The following STAU1 variants were observed in gnomAD, a reference collection of about 807,000 sequenced individuals.
STAU1 encodes the protein staufen double-stranded RNA binding protein 1.
A neutral mutation model predicts 62.9 loss-of-function variants in STAU1; 13 were observed. The observed-to-expected ratio is 0.21, with a 90% CI of 0.13 to 0.33. STAU1 has a LOEUF of 0.33. STAU1 is among the 10% of genes least tolerant of loss of function. The pLI, the probability that STAU1 is intolerant of heterozygous loss-of-function variation, is 1.00. For synonymous variants in STAU1, 269 were observed against 265.1 expected (o/e 1.01, Z -0.14); for missense variants, 571 against 712.1 (o/e 0.80, Z 2.25).
the STAU1 span, among the ~76,000 whole-genome samples, chr20:49,201,140 G>A: frequency 1.1e-3 from 160 of 151,548 alleles, 1 homozygote; most frequent in Non-Finnish European, 1.6e-3. Flanking sequence ...CAAGGGCTGG[G>A]GAAGGGAAAG....
chr20:49,185,852 T>C (rs1473967002), intron 1 of STAU1, among the ~76,000 whole-genome samples: 3 of 152,114 alleles, frequency 2.0e-5, no homozygotes, highest in Non-Finnish European at 4.4e-5. Context: ...ATACTGCTTG[T>C]ATAGTTGTTT....
intron 2 of STAU1, among the ~76,000 whole-genome samples, chr20:49,172,316 T>A (rs938187792): frequency 6.6e-5 from 10 of 152,252 alleles, no homozygotes; most frequent in Non-Finnish European, 4.4e-5. Flanking sequence ...TTTTCTAGTT[T>A]TAAAACTTTA....
At chr20:49,181,876 AT>A (rs1462306885) in intron 1 of STAU1, among the ~76,000 whole-genome samples, 12 of 150,744 alleles carry the variant, frequency 8.0e-5, no homozygotes, top group African/African-American at 1.2e-4. Flanking sequence ...ATTTAAATAG[AT>A]TTTCTTAGCC....
intron 6 of STAU1, among the ~76,000 whole-genome samples, chr20:49,125,071 TAA>T (rs11473077): frequency 1.1e-3 from 89 of 83,828 alleles, no homozygotes; most frequent in African/African-American, 1.8e-3. Flanking sequence ...ACACATTAAG[TAA>T]AAAAAAAAAA....
intron 6 of STAU1, among the ~76,000 whole-genome samples, chr20:49,125,176 C>T (rs2092570376): frequency 1.3e-5 from 1 of 77,850 alleles, no homozygotes; most frequent in Admixed American, 1.8e-4. Context: ...TAAACAGACA[C>T]ACATTTATAA....
rs1176078720 is a variant in STAU1 at position 49,117,076 on chromosome 20, C to CT, written c.1632+49dup. On this transcript the variant is annotated intron_variant, in intron 12 of 13. Coordinates refer to ENST00000371856, the MANE Select transcript of STAU1 (RefSeq NM_017453.4). The surrounding 1 kb of genome is among the most constrained non-coding windows in gnomAD (Gnocchi z 4.6). ...TAGTAACAAGCTGAACCAAGGCAGG[C>CT]TCCACATAAACACACAACACCCCAA... is the stretch of plus-strand genomic sequence containing the variant. 3 of 1,605,784 alleles carry CT rather than the reference C, an allele frequency of 1.9e-6. No individual in the cohort carries two copies. The highest frequency in any genetic ancestry group is 1.3e-5 in the African/African-American group (1 of 74,732).
upstream of STAU1, among the ~76,000 whole-genome samples, chr20:49,188,926 C>A (rs1326682476): frequency 5.3e-5 from 8 of 152,052 alleles, no homozygotes; most frequent in Admixed American, 5.2e-4. Context: ...ATGGCCCGGG[C>A]GCGTTGGCTC....
the STAU1 span, among the ~76,000 whole-genome samples, chr20:49,198,500 C>T: frequency 6.6e-5 from 10 of 151,768 alleles, no homozygotes; most frequent in African/African-American, 2.4e-4. Flanking sequence ...CAGCAAGACT[C>T]CATCTTACAA....
the STAU1 span, among the ~76,000 whole-genome samples, chr20:49,203,927 C>T: frequency 3.3e-5 from 5 of 152,280 alleles, no homozygotes; most frequent in South Asian, 4.1e-4. Flanking sequence ...CCTTGTGATC[C>T]GCCGCCTTGG....
chr20:49,125,151 A>C (rs1269077086), intron 6 of STAU1, among the ~76,000 whole-genome samples: 1 of 148,590 alleles, frequency 6.7e-6, no homozygotes, highest in African/African-American at 2.5e-5. Flanking sequence ...TTTTATACAA[A>C]TATCTACACA....
chr20:49,148,785 T>C (rs2093180405), intron 5 of STAU1, among the ~76,000 whole-genome samples: 1 of 152,192 alleles, frequency 6.6e-6, no homozygotes, highest in Non-Finnish European at 1.5e-5. Flanking sequence ...GCTGCTCTAG[T>C]GAGTGAAGGC....
At chr20:49,206,751 A>ATATATATTTTTTT in the STAU1 span, among the ~76,000 whole-genome samples, 1 of 95,040 alleles carries the variant, frequency 1.1e-5, no homozygotes, top group African/African-American at 4.3e-5. Flanking sequence ...ATATATATAT[A>ATATATATTTTTTT]TTTTATTTTA....
the STAU1 span, among the ~76,000 whole-genome samples, chr20:49,196,359 C>T: frequency 6.6e-6 from 1 of 151,054 alleles, no homozygotes; most frequent in Admixed American, 6.6e-5. Context: ...TGGCGTGAAC[C>T]CCGGGGGGCG....
At chr20:49,186,309 G>A (rs1313439319) in intron 1 of STAU1, among the ~76,000 whole-genome samples, 1 of 150,914 alleles carries the variant, frequency 6.6e-6, no homozygotes, top group Non-Finnish European at 1.5e-5. Flanking sequence ...TCGCGCCACT[G>A]CACTCCAGCC....
chr20:49,208,121 G>A, the STAU1 span, among the ~76,000 whole-genome samples: 6 of 152,040 alleles, frequency 3.9e-5, no homozygotes, highest in Admixed American at 2.0e-4. Context: ...GTGCAGTGGC[G>A]CCATCTCAGC....
chr20:49,137,254 T>C (rs2092906741), intron 5 of STAU1, among the ~76,000 whole-genome samples: 1 of 152,124 alleles, frequency 6.6e-6, no homozygotes, highest in Non-Finnish European at 1.5e-5. Context: ...CAACGGCTGT[T>C]GGCAAAAAAA....
intron 2 of STAU1, among the ~76,000 whole-genome samples, chr20:49,172,204 A>G (rs1257664310): frequency 6.6e-6 from 1 of 152,178 alleles, no homozygotes; most frequent in Non-Finnish European, 1.5e-5. Context: ...AACACTTCCT[A>G]AAAGAGATTT....
intron 3 of STAU1, among the ~76,000 whole-genome samples, chr20:49,156,673 T>C (rs2093362151): frequency 6.6e-6 from 1 of 152,196 alleles, no homozygotes; most frequent in African/African-American, 2.4e-5. Context: ...TGTAAATTCC[T>C]AGAAATGAAA....
the STAU1 span, among the ~76,000 whole-genome samples, chr20:49,212,484 C>A: frequency 5.3e-5 from 8 of 152,072 alleles, no homozygotes; most frequent in Non-Finnish European, 1.0e-4. Context: ...CACATGGTTA[C>A]CATCTTTTAG....
Sources: gnomAD v4.1 joint callset for allele counts (sites outside exome capture counted in the v4.1 genomes callset) on GRCh38, gnomAD v4.1.1 for gene constraint, Gnocchi (gnomAD v3.1) non-coding constraint, MANE v1.5 for transcripts, NCBI Gene and HGNC (gene_info 2026-07-23, HGNC 2026-07-21) for gene names.